TCF7L1: variants seen among roughly 807,000 people sequenced by gnomAD.
The protein encoded by TCF7L1 is transcription factor 7 like 1.
A neutral mutation model predicts 63.7 loss-of-function variants in TCF7L1; 18 were observed. That is an observed-to-expected ratio of 0.28 (90% CI 0.20 to 0.42). The LOEUF is 0.42. Ranked by LOEUF, TCF7L1 falls within the 10% of genes least tolerant of loss-of-function variation. The pLI is 1.00. For missense variants in TCF7L1, 654 were observed against 779.3 expected, an observed-to-expected ratio of 0.84 and a Z score of 1.91; for synonymous variants, 355 against 340.9, an observed-to-expected ratio of 1.04 and a Z score of -0.46.
At chr2:85,140,292 C>T (rs962901161) in intron 3 of TCF7L1, among the ~76,000 whole-genome samples, 13 of 152,072 alleles carry the variant, frequency 8.5e-5, no homozygotes, top group Admixed American at 2.0e-4. Context: ...GAGGAACCCT[C>T]GGTTTCATTG....
chr2:85,272,921 G>C (rs540198090), intron 3 of TCF7L1, among the ~76,000 whole-genome samples: 1 of 152,238 alleles, frequency 6.6e-6, no homozygotes, highest in Non-Finnish European at 1.5e-5. Flanking sequence ...TCATGTGGCA[G>C]TTCAAAAGCC....
chr2:85,144,719 C>CTGTGTGTGTGTGTGTGTG (rs772295408), intron 3 of TCF7L1, among the ~76,000 whole-genome samples: 1 of 140,448 alleles, frequency 7.1e-6, no homozygotes, highest in Non-Finnish European at 1.5e-5. Flanking sequence ...CTCTCTCTCT[C>CTGTGTGTGTGTGTGTGTG]TGTGTGTGTG....
intron 3 of TCF7L1, among the ~76,000 whole-genome samples, chr2:85,216,655 T>C (rs1679719260): frequency 6.6e-6 from 1 of 152,162 alleles, no homozygotes; most frequent in Admixed American, 6.5e-5. Flanking sequence ...CCTGGAAGAA[T>C]GCCTGGTGTG....
At chr2:85,191,298 C>T (rs1679034465) in intron 3 of TCF7L1, among the ~76,000 whole-genome samples, 1 of 152,156 alleles carries the variant, frequency 6.6e-6, no homozygotes, top group Non-Finnish European at 1.5e-5. Flanking sequence ...GATGTAGAAC[C>T]ACTTAACATG....
Position 85,304,247 on chromosome 2 carries a change from C to A in TCF7L1, c.762-8C>A. The A allele has an allele frequency of 1.9e-6, 3 of 1,612,046 alleles. No individual in the cohort carries two copies. Among genetic ancestry groups the A allele is most frequent in the Non-Finnish European group, 2.5e-6 (3 of 1,178,602 alleles). On this transcript the variant is annotated splice_polypyrimidine_tract_variant and splice_region_variant and intron_variant, in intron 6 of 11. Coordinates refer to ENST00000282111, the MANE Select transcript of TCF7L1 (RefSeq NM_031283.3). ...CAATATGCTGACCAGATTTCCTCCCCCTCACAGGCAAGGCCAGCCCATGTA... is the reference window on the plus strand; with the variant it reads ...CAATATGCTGACCAGATTTCCTCCCACTCACAGGCAAGGCCAGCCCATGTA...
At chr2:85,264,942 T>C (rs529656976) in intron 3 of TCF7L1, among the ~76,000 whole-genome samples, 1 of 152,278 alleles carries the variant, frequency 6.6e-6, no homozygotes, top group East Asian at 1.9e-4. Context: ...ATGGCTAATT[T>C]ATGAGGGCTG....
intron 3 of TCF7L1, among the ~76,000 whole-genome samples, chr2:85,137,892 CAAAA>C (rs374829785): frequency 8.9e-5 from 6 of 67,768 alleles, no homozygotes; most frequent in Admixed American, 1.7e-4. Flanking sequence ...GACTCTGCCT[CAAAA>C]AAAAAAAAAA....
rs941402462 is a variant in TCF7L1 at position 85,309,914 on chromosome 2, CGTCCTCT to C, written c.*461_*467del. 6.3e-6 allele frequency: 1 copy of C among 157,898 alleles called. No individual in the cohort carries two copies. The highest frequency in any genetic ancestry group is 2.4e-5 in the African/African-American group (1 of 41,594). 9.8% of individuals were successfully genotyped at this position (157,898 alleles called of 1,614,324 possible). On this transcript the variant is annotated 3_prime_UTR_variant, in exon 12 of 12. Coordinates refer to ENST00000282111, the MANE Select transcript of TCF7L1 (RefSeq NM_031283.3). ...CTGCTCAATACCGTGGGTTCTTCTTCGTCCTCTGTCCTCTGCCCAGTGTGAGGCCATC... is the reference window on the plus strand; with the variant it reads ...CTGCTCAATACCGTGGGTTCTTCTTCGTCCTCTGCCCAGTGTGAGGCCATC...
At chr2:85,173,585 T>C (rs896130286) in intron 3 of TCF7L1, among the ~76,000 whole-genome samples, 1 of 152,152 alleles carries the variant, frequency 6.6e-6, no homozygotes, top group African/African-American at 2.4e-5. Flanking sequence ...CAGTTTTTGT[T>C]TTTCAAGAGA....
chr2:85,249,067 A>C (rs1479211059), intron 3 of TCF7L1, among the ~76,000 whole-genome samples: 6 of 152,010 alleles, frequency 3.9e-5, no homozygotes, highest in African/African-American at 1.4e-4. Context: ...TGTAAGTATC[A>C]TAAGGAAATA....
intron 4 of TCF7L1, among the ~76,000 whole-genome samples, chr2:85,295,187 CTTTTG>C (rs1681812282): frequency 6.6e-6 from 1 of 151,954 alleles, no homozygotes; most frequent in Non-Finnish European, 1.5e-5. Context: ...ACAGTAATAA[CTTTTG>C]TTTTGTTTTG....
Position 85,304,351 on chromosome 2 carries a change from G to A in TCF7L1, c.845+13G>A. 6.2e-7 allele frequency: 1 copy of A among 1,612,546 alleles called. No homozygotes were observed. The highest frequency in any genetic ancestry group is 8.5e-7 in the Non-Finnish European group (1 of 1,179,414). On this transcript the variant is annotated intron_variant, in intron 7 of 11. Transcript: ENST00000282111. ...CCTCGATGTCCAGGTGAGTCCCGGGGCTGGGGCTGTCCGCATGTTTGTCTT... is the reference window on the plus strand; with the variant it reads ...CCTCGATGTCCAGGTGAGTCCCGGGACTGGGGCTGTCCGCATGTTTGTCTT...
At position 85,309,081 on chromosome 2, in the gene TCF7L1, G is replaced by A. The variant is rs748813454; in HGVS notation, c.1386G>A (p.Glu462=). 87 of 1,612,850 alleles carry A rather than the reference G, an allele frequency of 5.4e-5. No individual in the cohort carries two copies. The South Asian group carries it at 9.2e-4, about 17-fold the overall frequency. The part of the protein sequence containing the change: ...KKPCVQYLPP[E]KPCDSPASSH... ...CATGTGTTCAGTACCTGCCCCCCGA[G>A]AAGCCCTGTGACAGCCCTGCCTCCT... The change falls in exon 12 of 12, where the codon GAG becomes GAA. Residue 462 remains glutamate (E), a synonymous_variant. Transcript: ENST00000282111.
intron 3 of TCF7L1, among the ~76,000 whole-genome samples, chr2:85,271,670 T>C (rs1681155954): frequency 6.6e-6 from 1 of 152,206 alleles, no homozygotes; most frequent in South Asian, 2.1e-4. Context: ...ATTTATGTAC[T>C]TTAAAAATCT....
chr2:85,251,696 T>C (rs1009367130), intron 3 of TCF7L1, among the ~76,000 whole-genome samples: 5 of 152,304 alleles, frequency 3.3e-5, no homozygotes, highest in African/African-American at 9.6e-5. Flanking sequence ...TGGCATCTGA[T>C]TGAGAAAATG....
At chr2:85,135,239 C>A (rs942658271) in intron 3 of TCF7L1, among the ~76,000 whole-genome samples, 1 of 152,152 alleles carries the variant, frequency 6.6e-6, no homozygotes, top group Admixed American at 6.5e-5. Context: ...AAACTCCCGC[C>A]CCCCGCGTTG....
intron 3 of TCF7L1, among the ~76,000 whole-genome samples, chr2:85,142,502 A>C (rs1677768439): frequency 6.6e-6 from 1 of 150,588 alleles, no homozygotes; most frequent in East Asian, 1.9e-4. Context: ...ATATATACAC[A>C]CACACACAAC....
intron 3 of TCF7L1, among the ~76,000 whole-genome samples, chr2:85,259,821 G>A (rs755653747): frequency 5.3e-5 from 8 of 152,148 alleles, no homozygotes; most frequent in East Asian, 1.9e-4. Flanking sequence ...GAAATGCGGG[G>A]ATGTTGAATG....
At chr2:85,296,100 A>AT (rs1269425828) in intron 4 of TCF7L1, among the ~76,000 whole-genome samples, 1 of 152,028 alleles carries the variant, frequency 6.6e-6, no homozygotes, top group Non-Finnish European at 1.5e-5. Flanking sequence ...TTTTCATGTC[A>AT]TTATCTTACT....
Sources: allele counts gnomAD v4.1 joint callset (sites outside exome capture counted in the v4.1 genomes callset), GRCh38; gene constraint gnomAD v4.1.1; transcripts MANE v1.5; gene names NCBI Gene and HGNC (gene_info 2026-07-23, HGNC 2026-07-21).